The following MYO6 variants were observed in gnomAD, a reference collection of about 807,000 sequenced individuals.
The protein encoded by MYO6 is unconventional myosin-VI.
A neutral mutation model predicts 178.7 loss-of-function variants in MYO6; 74 were observed. The observed-to-expected ratio is 0.41, with a 90% CI of 0.34 to 0.50. The LOEUF is 0.50. Among genes scored for constraint, MYO6 ranks in the 20% least tolerant of loss-of-function variants. The pLI, the probability that MYO6 is intolerant of heterozygous loss-of-function variation, is 0.09. For missense variants in MYO6, 1,330 were observed against 1,547.4 expected, an observed-to-expected ratio of 0.86 and a Z score of 2.36; for synonymous variants, 477 against 504.6, an observed-to-expected ratio of 0.95 and a Z score of 0.73.
intron 1 of MYO6, among the ~76,000 whole-genome samples, chr6:75,775,918 T>G (rs1766339791): frequency 6.6e-6 from 1 of 152,142 alleles, no homozygotes; most frequent in African/African-American, 2.4e-5. Flanking sequence ...ACACTGGTGT[T>G]TTTCGTTTTG....
chr6:75,895,539 C>CA (rs1779228407), intron 29 of MYO6, among the ~76,000 whole-genome samples: 1 of 144,464 alleles, frequency 6.9e-6, no homozygotes, highest in Non-Finnish European at 1.5e-5. Flanking sequence ...TTTTTTGAGA[C>CA]AGAGTTTCGC....
chr6:75,816,866 A>G (rs543412459), intron 1 of MYO6, among the ~76,000 whole-genome samples: 1 of 152,292 alleles, frequency 6.6e-6, no homozygotes, highest in East Asian at 1.9e-4. Context: ...TGCTGGTATA[A>G]ATTACACTCA....
intron 18 of MYO6, among the ~76,000 whole-genome samples, chr6:75,869,725 A>C (rs1253782274): frequency 2.6e-5 from 4 of 152,216 alleles, no homozygotes; most frequent in Non-Finnish European, 5.9e-5. Flanking sequence ...ATGTTATAAA[A>C]ACAAGAAAGC....
intron 30 of MYO6, among the ~76,000 whole-genome samples, chr6:75,906,396 C>G (rs1435223799): frequency 6.6e-6 from 1 of 152,138 alleles, no homozygotes; most frequent in Admixed American, 6.5e-5. Flanking sequence ...GTCTTAAAGG[C>G]CAGGTGTGGT....
intron 24 of MYO6, 46 bp from the exon 25 acceptor site, chr6:75,886,798 G>A: frequency 1.9e-6 from 3 of 1,588,692 alleles, no homozygotes; most frequent in Admixed American, 1.7e-5. Context: ...TCTGCCAAAA[G>A]TACTAAAGGA....
chr6:75,883,240 A>G (rs1283983839), intron 23 of MYO6, among the ~76,000 whole-genome samples: 4 of 147,602 alleles, frequency 2.7e-5, no homozygotes, highest in African/African-American at 7.6e-5. Context: ...AAAAACAAAG[A>G]AAAAAAAAAC....
chr6:75,814,275 G>T (rs953748138), intron 1 of MYO6, among the ~76,000 whole-genome samples: 5 of 152,168 alleles, frequency 3.3e-5, no homozygotes, highest in Non-Finnish European at 7.3e-5. Context: ...CTGCCAAGGG[G>T]TGGGGAGAGA....
chr6:75,828,419 G>T, intron 3 of MYO6, 121 bp from the exon 4 acceptor site: 1 of 675,236 alleles, frequency 1.5e-6, no homozygotes. Flanking sequence ...AAAAGATGGA[G>T]TTAAATGTAA....
chr6:75,887,943 C>T (rs980342818), intron 25 of MYO6, among the ~76,000 whole-genome samples: 37 of 151,808 alleles, frequency 2.4e-4, no homozygotes, highest in Non-Finnish European at 2.8e-4. Context: ...CGCGCCACTG[C>T]ACTCCAGCCT....
chr6:75,853,167 C>T (rs936595253), intron 11 of MYO6, among the ~76,000 whole-genome samples: 1 of 152,056 alleles, frequency 6.6e-6, no homozygotes, highest in African/African-American at 2.4e-5. Context: ...GATTCTTTGC[C>T]CATTTATTAA....
At chr6:75,819,467 G>A (rs186572511) in intron 2 of MYO6, among the ~76,000 whole-genome samples, 90 of 152,334 alleles carry the variant, frequency 5.9e-4, no homozygotes, top group African/African-American at 2.1e-3. Flanking sequence ...CCTTTGTGCA[G>A]TGTGTGCGCA....
chr6:75,889,661 C>A (rs1778748324), intron 25 of MYO6, among the ~76,000 whole-genome samples: 1 of 152,190 alleles, frequency 6.6e-6, no homozygotes, highest in Admixed American at 6.5e-5. Context: ...GATCTGTCCA[C>A]CTTGGCCTCC....
rs1051703301 is a variant in MYO6 at position 75,759,435 on chromosome 6, G to C, written c.-48+10012G>C. Among the ~76,000 whole-genome samples the C allele has an allele frequency of 4.6e-5, 7 of 152,200 alleles. No individual in the cohort carries two copies. The East Asian group carries it at 1.2e-3, about 25-fold the overall frequency. On this transcript the variant is annotated intron_variant, in intron 1 of 34. Transcript: ENST00000369977. ...CAGAAATTACCAGAGCAGAAAGCTG[G>C]CATTGTAGAGGAGGGCTAGAGGGAG...
chr6:75,849,217 A>C (rs539492582), intron 11 of MYO6, among the ~76,000 whole-genome samples: 3 of 152,354 alleles, frequency 2.0e-5, no homozygotes, highest in South Asian at 2.1e-4. Context: ...TGTGTGGTCT[A>C]TACCAGCTTT....
Position 75,861,007 on chromosome 6 carries a change from A to G in MYO6, c.1474-16A>G, listed in dbSNP as rs1444730787. The G allele has an allele frequency of 1.3e-6, 2 of 1,533,686 alleles. No individual in the cohort carries two copies. The highest frequency in any genetic ancestry group is 1.8e-6 in the Non-Finnish European group (2 of 1,107,464). On this transcript the variant is annotated splice_polypyrimidine_tract_variant and intron_variant, in intron 14 of 34. Coordinates refer to ENST00000369977, the MANE Select transcript of MYO6 (RefSeq NM_004999.4). ...CAGTATTGCTGTATCTATGATTATG[A>G]TTATTTCATTTTTAGGAACAAGAAC...
At position 75,916,846 on chromosome 6, in the gene MYO6, T is replaced by G. The variant is rs1781148600; in HGVS notation, c.*1834T>G. ...TGAGAGAATCTAATGTTTCAGAAAT[T>G]TGTAAGAAATGTATCACAGCAAAGG... On this transcript the variant is annotated 3_prime_UTR_variant, in exon 35 of 35. Transcript: ENST00000369977. 6.6e-6 allele frequency: 1 copy of G among 152,166 alleles called. No homozygotes were observed. The highest frequency in any genetic ancestry group is 1.5e-5 in the Non-Finnish European group (1 of 68,032). 9.4% of individuals were successfully genotyped at this position (152,166 alleles called of 1,614,324 possible).
In MYO6 at chr6:75,891,137, CTTTG is replaced by C. The variant is rs1307021041; in HGVS notation, c.2868-87_2868-84del. 3.3e-5 allele frequency: 28 copies of C among 838,924 alleles called. No homozygotes were observed. In the Admixed American group the frequency reaches 6.5e-4, roughly 19 times the overall value. 52.0% of individuals were successfully genotyped at this position (838,924 alleles called of 1,614,324 possible). A position where few individuals can be genotyped will look rare whatever the true frequency, so the allele number is the denominator to read the frequency against. On this transcript the variant is annotated intron_variant, in intron 26 of 34. Coordinates refer to ENST00000369977, the MANE Select transcript of MYO6 (RefSeq NM_004999.4). ...TTAATTTGCATTCCCAATCTGTTAC[CTTTG>C]TTTATTATTAAATAATAGTTAAATT...
intron 28 of MYO6, among the ~76,000 whole-genome samples, chr6:75,893,771 G>A (rs1242441735): frequency 1.3e-5 from 2 of 152,170 alleles, no homozygotes; most frequent in Non-Finnish European, 2.9e-5. Context: ...ACTGAATATG[G>A]CTATATGAAC....
At position 75,780,915 on chromosome 6, in the gene MYO6, C is replaced by A. The variant is rs1766916815; in HGVS notation, c.-48+31492C>A. ...CTCCGCCTCCCAGGTTCAAGTGATTCTCCTGCCCCAGCCTCCCGAGTAGAG... is the reference window on the plus strand; with the variant it reads ...CTCCGCCTCCCAGGTTCAAGTGATTATCCTGCCCCAGCCTCCCGAGTAGAG... On this transcript the variant is annotated intron_variant, in intron 1 of 34. Coordinates refer to ENST00000369977, the MANE Select transcript of MYO6 (RefSeq NM_004999.4). Among the ~76,000 whole-genome samples, 2 of 151,672 alleles carry A rather than the reference C, an allele frequency of 1.3e-5. 1 individual carries two copies. The highest frequency in any genetic ancestry group is 4.8e-5 in the African/African-American group (2 of 41,244).
Sources: allele counts gnomAD v4.1 joint callset (sites outside exome capture counted in the v4.1 genomes callset), GRCh38; gene constraint gnomAD v4.1.1; transcripts MANE v1.5; gene names NCBI Gene and HGNC (gene_info 2026-07-23, HGNC 2026-07-21).